PTPRM: variants seen among roughly 807,000 people sequenced by gnomAD.
PTPRM encodes receptor-type tyrosine-protein phosphatase mu.
In PTPRM, 47 loss-of-function variants were observed where a neutral mutation model predicts 186.7. The ratio of observed to expected loss-of-function variants is 0.25; its 90% confidence interval spans 0.20 to 0.32. PTPRM has a LOEUF of 0.32. Ranked by LOEUF, PTPRM falls within the 10% of genes least tolerant of loss-of-function variation. The pLI is 1.00. For synonymous variants in PTPRM, 668 were observed against 674.9 expected, an observed-to-expected ratio of 0.99 and a Z score of 0.16; for missense variants, 1,494 against 1,865.0, an observed-to-expected ratio of 0.80 and a Z score of 3.66.
intron 2 of PTPRM, among the ~76,000 whole-genome samples, chr18:7,844,003 T>G (rs2145867925): frequency 6.6e-6 from 1 of 152,284 alleles, no homozygotes; most frequent in South Asian, 2.1e-4. Context: ...CATGATGACT[T>G]GATTCCAATG....
intron 7 of PTPRM, among the ~76,000 whole-genome samples, chr18:8,002,546 A>C (rs2083932931): frequency 6.6e-6 from 1 of 152,192 alleles, no homozygotes; most frequent in Non-Finnish European, 1.5e-5. Context: ...TGTTTTCTCC[A>C]CCATTGTGAG....
At chr18:7,847,586 C>G (rs1357265388) in intron 2 of PTPRM, among the ~76,000 whole-genome samples, 1 of 152,108 alleles carries the variant, frequency 6.6e-6, no homozygotes, top group Non-Finnish European at 1.5e-5. Context: ...GGCTCTGTCT[C>G]CCTTTCCAGA....
At chr18:8,311,207 G>C (rs1444014776) in intron 20 of PTPRM, among the ~76,000 whole-genome samples, 1 of 151,982 alleles carries the variant, frequency 6.6e-6, no homozygotes, top group Non-Finnish European at 1.5e-5. Flanking sequence ...TACTCAGGAG[G>C]CTGAGGCAGG....
intron 2 of PTPRM, among the ~76,000 whole-genome samples, chr18:7,845,866 G>A (rs955937285): frequency 6.6e-6 from 1 of 152,008 alleles, no homozygotes; most frequent in South Asian, 2.1e-4. Flanking sequence ...TTGCTCTTGG[G>A]GTCAGTGTCT....
At chr18:8,363,801 CAG>C (rs1479607537) in intron 23 of PTPRM, among the ~76,000 whole-genome samples, 6 of 152,284 alleles carry the variant, frequency 3.9e-5, no homozygotes, top group African/African-American at 1.2e-4. Context: ...AGTAACAAGA[CAG>C]ATTTCTCGTG....
chr18:8,363,978 C>T (rs949264742), intron 23 of PTPRM, among the ~76,000 whole-genome samples: 11 of 152,088 alleles, frequency 7.2e-5, no homozygotes, highest in East Asian at 1.9e-4. Context: ...GGAAAACAGA[C>T]GCTTTGTGAG....
intron 28 of PTPRM, among the ~76,000 whole-genome samples, chr18:8,379,999 C>A (rs1015657661): frequency 1.2e-4 from 18 of 152,202 alleles, no homozygotes; most frequent in Non-Finnish European, 1.8e-4. Context: ...GTTAAATTTT[C>A]TCCATCAAGA....
At chr18:7,740,137 G>C (rs1165335714) in intron 1 of PTPRM, among the ~76,000 whole-genome samples, 1 of 152,182 alleles carries the variant, frequency 6.6e-6, no homozygotes, top group Non-Finnish European at 1.5e-5. Context: ...GCTGAACTGG[G>C]CTGCTCCCAT....
intron 22 of PTPRM, among the ~76,000 whole-genome samples, chr18:8,337,991 C>T (rs1028620072): frequency 3.3e-5 from 5 of 152,122 alleles, no homozygotes; most frequent in Admixed American, 6.6e-5. Flanking sequence ...GGATAGGGAA[C>T]GGATTCAGGG....
chr18:7,900,544 G>GGTGT (rs533423695), intron 3 of PTPRM, among the ~76,000 whole-genome samples: 25 of 150,770 alleles, frequency 1.7e-4, no homozygotes, highest in South Asian at 6.3e-4. Flanking sequence ...TACATTAAAA[G>GGTGT]GTGTGTGTGT....
At chr18:7,767,756 A>G (rs990759033) in intron 1 of PTPRM, among the ~76,000 whole-genome samples, 5 of 152,240 alleles carry the variant, frequency 3.3e-5, no homozygotes, top group Non-Finnish European at 5.9e-5. Flanking sequence ...GTCAAAAGCC[A>G]TAATTTGTGG....
At chr18:8,207,898 T>C (rs2093951828) in intron 14 of PTPRM, among the ~76,000 whole-genome samples, 1 of 152,208 alleles carries the variant, frequency 6.6e-6, no homozygotes, top group South Asian at 2.1e-4. Flanking sequence ...TATGTTTGTG[T>C]GTGTTAGTGT....
chr18:8,290,934 C>T (rs1475266186), intron 19 of PTPRM, among the ~76,000 whole-genome samples: 1 of 151,968 alleles, frequency 6.6e-6, no homozygotes, highest in African/African-American at 2.4e-5. Context: ...TTAAATTATA[C>T]CTGCATATTT....
chr18:8,368,032 A>C (rs1044295911), intron 23 of PTPRM, among the ~76,000 whole-genome samples: 4 of 152,134 alleles, frequency 2.6e-5, no homozygotes, highest in Admixed American at 2.6e-4. Flanking sequence ...TTTCAGAGAA[A>C]TAAATGAATT....
intron 13 of PTPRM, among the ~76,000 whole-genome samples, chr18:8,134,313 C>T (rs1007473863): frequency 2.0e-5 from 3 of 152,134 alleles, no homozygotes; most frequent in Non-Finnish European, 4.4e-5. Flanking sequence ...AATATCCGTT[C>T]AGTAAAGGCT....
At chr18:7,926,725 G>A (rs778273473) in intron 5 of PTPRM, 42 bp downstream of exon 5, 24 of 1,471,856 alleles carry the variant, frequency 1.6e-5, no homozygotes, top group Non-Finnish European at 2.2e-5. Flanking sequence ...AGTCCAGCGG[G>A]AAGAATACAC....
chr18:8,370,581 G>A (rs1010196554), intron 23 of PTPRM, among the ~76,000 whole-genome samples: 2 of 152,130 alleles, frequency 1.3e-5, no homozygotes, highest in Non-Finnish European at 2.9e-5. Context: ...GTTTATTTTT[G>A]CAGGCCGTTC....
chr18:7,868,797 C>T (rs1388419722), intron 2 of PTPRM, among the ~76,000 whole-genome samples: 1 of 152,224 alleles, frequency 6.6e-6, no homozygotes, highest in African/African-American at 2.4e-5. Context: ...GCTGCGCCCA[C>T]AGCCACCCCT....
intron 12 of PTPRM, among the ~76,000 whole-genome samples, chr18:8,114,562 G>A (rs1427092062): frequency 3.9e-5 from 6 of 152,152 alleles, no homozygotes; most frequent in Non-Finnish European, 7.3e-5. Flanking sequence ...GACATTTTAT[G>A]TGTAGCTCCT....
Sources: gnomAD v4.1 joint callset for allele counts (sites outside exome capture counted in the v4.1 genomes callset) on GRCh38, gnomAD v4.1.1 for gene constraint, MANE v1.5 for transcripts, NCBI Gene and HGNC (gene_info 2026-07-23, HGNC 2026-07-21) for gene names.